The following LIN28B variants were observed in gnomAD, a reference collection of about 807,000 sequenced individuals.
LIN28B encodes lin-28 RNA binding posttranscriptional regulator B.
LIN28B carries 5 observed loss-of-function variants against 21.9 expected under a neutral mutation model. The observed-to-expected ratio is 0.23, with a 90% confidence interval of 0.12 to 0.48. LIN28B has a LOEUF of 0.48. LIN28B is among the 20% of genes least tolerant of loss of function. The probability of loss-of-function intolerance (pLI) is 0.98; values close to 1 mark genes in which losing one functional copy is unlikely to be tolerated. For synonymous variants in LIN28B, 109 were observed against 111.3 expected (o/e 0.98, Z 0.13); for missense variants, 245 against 310.5 (o/e 0.79, Z 1.58).
chr6:104,953,054 C>T (rs906378820), upstream of LIN28B, among the ~76,000 whole-genome samples: 1 of 152,230 alleles, frequency 6.6e-6, no homozygotes, highest in Non-Finnish European at 1.5e-5. Flanking sequence ...AGAAAGTTAC[C>T]GCCAAGTGGT....
intron 3 of LIN28B, among the ~76,000 whole-genome samples, chr6:105,067,782 T>C (rs1410243905): frequency 1.3e-5 from 2 of 152,222 alleles, no homozygotes; most frequent in Admixed American, 1.3e-4. Flanking sequence ...ATCTACCAAG[T>C]ACTTTTAAAC....
intron 2 of LIN28B, among the ~76,000 whole-genome samples, chr6:105,019,481 C>A (rs1771093329): frequency 6.6e-6 from 1 of 152,146 alleles, no homozygotes; most frequent in African/African-American, 2.4e-5. Context: ...TGCCTTAAGG[C>A]CATGTTTGCC....
intron 3 of LIN28B, among the ~76,000 whole-genome samples, chr6:105,078,199 C>T (rs190555698): frequency 1.3e-5 from 2 of 152,148 alleles, no homozygotes; most frequent in East Asian, 3.9e-4. Context: ...TTAGTTGTGT[C>T]TCACACAACT....
chr6:105,008,097 A>G (rs1770852098), intron 2 of LIN28B, among the ~76,000 whole-genome samples: 1 of 152,192 alleles, frequency 6.6e-6, no homozygotes, highest in African/African-American at 2.4e-5. Context: ...TCACACCACC[A>G]CATTGCTAAA....
At chr6:105,026,519 G>T in intron 3 of LIN28B, 37 bp downstream of exon 3, 1 of 1,365,672 alleles carries the variant, frequency 7.3e-7, no homozygotes, top group East Asian at 2.3e-5. Flanking sequence ...TCAGTTTATT[G>T]TGTTTGGAAA....
intron 2 of LIN28B, among the ~76,000 whole-genome samples, chr6:104,969,194 T>C (rs1167297255): frequency 6.6e-6 from 1 of 152,204 alleles, no homozygotes; most frequent in Non-Finnish European, 1.5e-5. Flanking sequence ...GCCTCATTTT[T>C]TAGCTCTCTA....
chr6:105,077,599 A>AT (rs767467935), intron 3 of LIN28B, among the ~76,000 whole-genome samples: 4 of 152,338 alleles, frequency 2.6e-5, no homozygotes, highest in Admixed American at 2.0e-4. Flanking sequence ...ATTTCCATTT[A>AT]TTTTAACTTA....
intron 2 of LIN28B, among the ~76,000 whole-genome samples, chr6:105,001,851 G>A (rs907728325): frequency 6.6e-6 from 1 of 152,174 alleles, no homozygotes; most frequent in Non-Finnish European, 1.5e-5. Context: ...AGCTGGAAGA[G>A]AATTTATTTT....
intron 2 of LIN28B, among the ~76,000 whole-genome samples, chr6:104,970,184 C>T (rs1440208632): frequency 6.6e-6 from 1 of 152,114 alleles, no homozygotes; most frequent in Non-Finnish European, 1.5e-5. Flanking sequence ...ACACTAAATG[C>T]TTGTTAATTT....
intron 2 of LIN28B, among the ~76,000 whole-genome samples, chr6:105,006,549 T>C (rs1024149880): frequency 6.6e-6 from 1 of 152,202 alleles, no homozygotes; most frequent in Non-Finnish European, 1.5e-5. Context: ...TGACCTCAGT[T>C]GATCCACCCG....
intron 2 of LIN28B, among the ~76,000 whole-genome samples, chr6:105,025,465 C>G (rs1450524222): frequency 6.6e-6 from 1 of 150,932 alleles, no homozygotes; most frequent in Non-Finnish European, 1.5e-5. Context: ...AGCTATCTTT[C>G]AAATATGAAA....
intron 2 of LIN28B, among the ~76,000 whole-genome samples, chr6:104,977,646 C>A (rs1423323777): frequency 1.3e-5 from 2 of 152,148 alleles, no homozygotes; most frequent in East Asian, 3.9e-4. Flanking sequence ...TGGATCACTG[C>A]AACCTCCACC....
intron 3 of LIN28B, among the ~76,000 whole-genome samples, chr6:105,070,018 G>C (rs1772301253): frequency 6.6e-6 from 1 of 151,654 alleles, no homozygotes; most frequent in African/African-American, 2.4e-5. Flanking sequence ...CTTCCTTTCT[G>C]AGGCATGAGT....
intron 2 of LIN28B, among the ~76,000 whole-genome samples, chr6:105,013,536 G>A (rs1770964942): frequency 6.6e-6 from 1 of 151,766 alleles, no homozygotes; most frequent in Non-Finnish European, 1.5e-5. Flanking sequence ...CCAGGAGTTC[G>A]AGACCAACCT....
chr6:104,949,697 G>A (rs1056801648), intron 2 of LIN28B, among the ~76,000 whole-genome samples: 1 of 152,030 alleles, frequency 6.6e-6, no homozygotes, highest in Non-Finnish European at 1.5e-5. Flanking sequence ...ACTGACCCAA[G>A]GATAAAAACA....
chr6:105,071,941 A>T (rs573435926), intron 3 of LIN28B, among the ~76,000 whole-genome samples: 6 of 152,322 alleles, frequency 3.9e-5, no homozygotes, highest in South Asian at 2.1e-4. Context: ...TATAGGAGAG[A>T]TGAAAAGAAA....
At chr6:105,005,967 A>G (rs1480841159) in intron 2 of LIN28B, among the ~76,000 whole-genome samples, 1 of 152,188 alleles carries the variant, frequency 6.6e-6, no homozygotes, top group Non-Finnish European at 1.5e-5. Flanking sequence ...GATGCATTAT[A>G]ATCTTTCATC....
intron 3 of LIN28B, among the ~76,000 whole-genome samples, chr6:105,054,390 T>C (rs1771980343): frequency 6.6e-6 from 1 of 152,262 alleles, no homozygotes; most frequent in African/African-American, 2.4e-5. Flanking sequence ...TGTGCTATTA[T>C]GTCATACATT....
At chr6:105,007,501 A>G (rs555991930) in intron 2 of LIN28B, among the ~76,000 whole-genome samples, 1 of 152,172 alleles carries the variant, frequency 6.6e-6, no homozygotes, top group South Asian at 2.1e-4. Context: ...CTTTGTTGAA[A>G]ATAAAGCATA....
Sources: gnomAD v4.1 joint callset for allele counts (sites outside exome capture counted in the v4.1 genomes callset) on GRCh38, gnomAD v4.1.1 for gene constraint, MANE v1.5 for transcripts, NCBI Gene and HGNC (gene_info 2026-07-23, HGNC 2026-07-21) for gene names.